Variants in HIVEP2 observed in about 807,000 individuals in gnomAD.
HIVEP2 encodes HIVEP zinc finger 2.
Under a neutral mutation model 180.7 loss-of-function variants are expected in HIVEP2, and 14 were observed. The ratio of observed to expected loss-of-function variants is 0.08; its 90% CI spans 0.05 to 0.12. HIVEP2 has a LOEUF of 0.12. Among genes scored for constraint, HIVEP2 ranks in the 10% least tolerant of loss-of-function variants. HIVEP2 has a pLI of 1.00. For synonymous variants in HIVEP2, 1,184 were observed against 1,136.4 expected (o/e 1.04, Z -0.84); for missense variants, 2,579 against 3,008.5 (o/e 0.86, Z 3.34).
chr6:142,866,387 A>G (rs1329485606), intron 1 of HIVEP2, among the ~76,000 whole-genome samples: 1 of 152,210 alleles, frequency 6.6e-6, no homozygotes, highest in Non-Finnish European at 1.5e-5. Context: ...TTGATGCTCA[A>G]TAATACTTGG....
chr6:142,770,972 G>A lies in HIVEP2; in HGVS notation c.3767C>T (p.Pro1256Leu). ...SFQTEIHSSYPLEHVAEHTGK... is the reference protein window; with the variant it reads ...SFQTEIHSSYLLEHVAEHTGK... ...AGTGTGCTCTGCCACATGCTCTAAG[G>A]GATAGCTCGAATGGATTTCTGTCTG... Residue 1256 changes from proline to leucine, a missense_variant, in exon 5 of 10, where the codon CCC (proline) becomes CTC (leucine). Coordinates refer to ENST00000367603, the MANE Select transcript of HIVEP2 (RefSeq NM_006734.4). This position sits in a 1 kb window ranked among gnomAD's most constrained non-coding sequence, Gnocchi z 4.7. 6.2e-7 allele frequency: 1 copy of A among 1,614,170 alleles called. No individual in the cohort carries two copies. Among genetic ancestry groups the A allele is most frequent in the Non-Finnish European group, 8.5e-7 (1 of 1,180,040 alleles).
intron 2 of HIVEP2, among the ~76,000 whole-genome samples, chr6:142,809,099 A>G (rs560151094): frequency 6.6e-6 from 1 of 152,216 alleles, no homozygotes; most frequent in African/African-American, 2.4e-5. Flanking sequence ...GCCCAGCAGC[A>G]GGCAGAAAAC....
chr6:142,775,795 A>G (rs1775682486), intron 4 of HIVEP2, among the ~76,000 whole-genome samples: 1 of 151,490 alleles, frequency 6.6e-6, no homozygotes, highest in Non-Finnish European at 1.5e-5. Context: ...ACATCATGTC[A>G]CTGCACTGCA....
intron 3 of HIVEP2, among the ~76,000 whole-genome samples, 169 bp downstream of exon 3, chr6:142,783,352 G>A (rs200420888): frequency 6.4e-3 from 492 of 76,460 alleles, no homozygotes; most frequent in African/African-American, 0.013. Flanking sequence ...AAAAAAAAAA[G>A]ACTAGTCTAC....
At chr6:142,757,585 G>A (rs1775109195) in intron 9 of HIVEP2, among the ~76,000 whole-genome samples, 1 of 152,178 alleles carries the variant, frequency 6.6e-6, no homozygotes, top group South Asian at 2.1e-4. Flanking sequence ...TTGAACCCAG[G>A]AGGTGGAGGT....
chr6:142,752,524 A>AT lies in HIVEP2; in HGVS notation c.*582dup, dbSNP rs1774946879. The AT allele has an allele frequency of 6.5e-6, 1 of 153,040 alleles. No homozygotes were observed. Among genetic ancestry groups the AT allele is most frequent in the South Asian group, 2.1e-4 (1 of 4,858 alleles). 9.5% of individuals were successfully genotyped at this position (153,040 alleles called of 1,614,324 possible). A position where few individuals can be genotyped will look rare whatever the true frequency, so the allele number is the denominator to read the frequency against. ...TTTAAATATCTTGTTTACAATGTACATTTTTGTTCTAGTTACGCAACAGTA... is the reference window on the plus strand; with the variant it reads ...TTTAAATATCTTGTTTACAATGTACATTTTTTGTTCTAGTTACGCAACAGTA... On this transcript the variant is annotated 3_prime_UTR_variant, in exon 10 of 10. Coordinates refer to ENST00000367603, the MANE Select transcript of HIVEP2 (RefSeq NM_006734.4).
At chr6:142,922,726 A>G (rs1777711639) in intron 1 of HIVEP2, among the ~76,000 whole-genome samples, 1 of 152,192 alleles carries the variant, frequency 6.6e-6, no homozygotes, top group Admixed American at 6.5e-5. Context: ...CTCTATACTG[A>G]CTGCCTCTTT....
At chr6:142,821,800 C>T (rs1246425535) in intron 2 of HIVEP2, among the ~76,000 whole-genome samples, 3 of 152,172 alleles carry the variant, frequency 2.0e-5, no homozygotes, top group Non-Finnish European at 1.5e-5. Context: ...GCTAAATATT[C>T]TATTGTTTCT....
chr6:142,922,070 T>A (rs1276884789), intron 1 of HIVEP2, among the ~76,000 whole-genome samples: 2 of 149,914 alleles, frequency 1.3e-5, no homozygotes, highest in African/African-American at 2.4e-5. Context: ...CTAGTCCACA[T>A]CCTCAGGATC....
chr6:142,884,388 A>G (rs1315958186), intron 1 of HIVEP2, among the ~76,000 whole-genome samples: 1 of 152,198 alleles, frequency 6.6e-6, no homozygotes, highest in Non-Finnish European at 1.5e-5. Context: ...CAGAAAATCA[A>G]TTTTGCCTAA....
chr6:142,794,329 A>C (rs1253562951), intron 2 of HIVEP2, among the ~76,000 whole-genome samples: 4 of 152,236 alleles, frequency 2.6e-5, no homozygotes. Flanking sequence ...CAATAAATGT[A>C]ACTAGGAACT....
chr6:142,772,686 G>A lies in HIVEP2; in HGVS notation c.2053C>T (p.Pro685Ser), dbSNP rs751721972. ...TCACAGGTAGTTCCAAACATGCTTGGTACTCCCTGCAATGGCACCACGGGA... is the reference window on the plus strand; with the variant it reads ...TCACAGGTAGTTCCAAACATGCTTGATACTCCCTGCAATGGCACCACGGGA... ...MDPVVPLQGV[P>S]SMFGTTCENR... is the part of the protein sequence containing the mutation. Residue 685 changes from proline (P) to serine (S), a missense_variant, in exon 5 of 10, where the codon CCA becomes TCA. Around this residue, in one of 11 missense-constraint regions of HIVEP2, gnomAD observed 524 missense variants for 563.6 expected, o/e 0.93. Coordinates refer to ENST00000367603, the MANE Select transcript of HIVEP2 (RefSeq NM_006734.4). The surrounding 1 kb of genome is among the most constrained non-coding windows in gnomAD (Gnocchi z 4.9). 1.7e-5 allele frequency: 28 copies of A among 1,613,982 alleles called. No homozygotes were observed. Among genetic ancestry groups the A allele is most frequent in the Non-Finnish European group, 2.0e-5 (24 of 1,180,034 alleles).
chr6:142,873,541 A>G (rs1489095439), intron 1 of HIVEP2, among the ~76,000 whole-genome samples: 1 of 152,204 alleles, frequency 6.6e-6, no homozygotes, highest in Non-Finnish European at 1.5e-5. Flanking sequence ...ATAATTGACT[A>G]CATTATTTGA....
At chr6:142,864,537 G>C (rs1056335203) in intron 1 of HIVEP2, among the ~76,000 whole-genome samples, 23 of 152,122 alleles carry the variant, frequency 1.5e-4, no homozygotes, top group African/African-American at 5.6e-4. Flanking sequence ...ATACGTTTAG[G>C]ATATTGTACA....
At chr6:142,807,689 G>A (rs894943971) in intron 2 of HIVEP2, among the ~76,000 whole-genome samples, 3 of 152,030 alleles carry the variant, frequency 2.0e-5, no homozygotes, top group African/African-American at 2.4e-5. Context: ...TTAATAAGTC[G>A]AAACTATCCC....
chr6:142,879,071 A>G (rs1023665093), intron 1 of HIVEP2, among the ~76,000 whole-genome samples: 1 of 152,092 alleles, frequency 6.6e-6, no homozygotes, highest in African/African-American at 2.4e-5. Flanking sequence ...GAATTCAATG[A>G]GATTATGTGT....
In HIVEP2 at chr6:142,922,370, C is replaced by A. The variant is rs148796382; in HGVS notation, c.-641+22729G>T. ...CTAATTCTTGAATTGCAAGTCAGTTCCTTCACTTGACTATGATGTCTTTGG... is the reference window on the plus strand; with the variant it reads ...CTAATTCTTGAATTGCAAGTCAGTTACTTCACTTGACTATGATGTCTTTGG... On this transcript the variant is annotated intron_variant, in intron 1 of 9. Transcript: ENST00000367603. Among the ~76,000 whole-genome samples, 453 of 152,294 alleles carry A rather than the reference C, an allele frequency of 3.0e-3. 10 individuals are homozygous for A. In the East Asian group the frequency reaches 0.048, roughly 16 times the overall value.
At chr6:142,823,000 T>A (rs1198148233) in intron 2 of HIVEP2, among the ~76,000 whole-genome samples, 1 of 152,088 alleles carries the variant, frequency 6.6e-6, no homozygotes, top group African/African-American at 2.4e-5. Context: ...AAGTCCCAAC[T>A]AAGTATATCT....
At chr6:142,914,354 G>C (rs1486145546) in intron 1 of HIVEP2, among the ~76,000 whole-genome samples, 1 of 152,062 alleles carries the variant, frequency 6.6e-6, no homozygotes, top group African/African-American at 2.4e-5. Context: ...TCTTACAACC[G>C]ATGATACCTT....
Sources: gnomAD v4.1 joint callset for allele counts (sites outside exome capture counted in the v4.1 genomes callset) on GRCh38, gnomAD v4.1.1 for gene constraint, gnomAD v4.1.1 regional missense constraint, Gnocchi (gnomAD v3.1) non-coding constraint, MANE v1.5 for transcripts, NCBI Gene and HGNC (gene_info 2026-07-23, HGNC 2026-07-21) for gene names.